Variants in ERCC6 observed in about 807,000 individuals in gnomAD.
The protein encoded by ERCC6 is ERCC excision repair 6, chromatin remodeling factor.
In ERCC6, 116 loss-of-function variants were observed where a neutral mutation model predicts 158.7. The observed-to-expected ratio is 0.73, with a 90% CI of 0.63 to 0.85. ERCC6 has a LOEUF of 0.85. Ranked by LOEUF, ERCC6 falls within the 40% of genes least tolerant of loss-of-function variation. ERCC6 has a pLI of 0.00. For missense variants in ERCC6, 1,698 were observed against 1,799.4 expected (o/e 0.94, Z 1.02); for synonymous variants, 678 against 659.3 (o/e 1.03, Z -0.43).
intron 1 of ERCC6, among the ~76,000 whole-genome samples, chr10:49,533,940 C>A (rs894717740): frequency 6.6e-6 from 1 of 151,888 alleles, no homozygotes; most frequent in Non-Finnish European, 1.5e-5. Context: ...TTGAGACCAG[C>A]CTGGCAAACA....
At chr10:49,462,213 TG>T (rs1850595745) in intron 18 of ERCC6, among the ~76,000 whole-genome samples, 1 of 152,150 alleles carries the variant, frequency 6.6e-6, no homozygotes, top group African/African-American at 2.4e-5. Flanking sequence ...AGAAATAGAT[TG>T]AACTGCATTT....
chr10:49,534,402 G>A (rs1837548677), intron 1 of ERCC6, among the ~76,000 whole-genome samples: 1 of 152,208 alleles, frequency 6.6e-6, no homozygotes, highest in Non-Finnish European at 1.5e-5. Flanking sequence ...ACACACAGGT[G>A]CAAGAATGTT....
chr10:49,500,874 C>G lies in ERCC6; in HGVS notation c.1527-178G>C, dbSNP rs1442814890. The G allele has an allele frequency of 9.0e-5, 59 of 658,212 alleles. 2 individuals carry two copies. The South Asian group carries it at 1.1e-3, about 12-fold the overall frequency. 40.8% of individuals were successfully genotyped at this position (658,212 alleles called of 1,614,324 possible). ...TTATAAGGTCATACATTTTTGATCA[C>G]CTAGGCATAAAAATCACAAATTTTT... On this transcript the variant is annotated intron_variant, in intron 6 of 20. Coordinates refer to ENST00000355832, the MANE Select transcript of ERCC6 (RefSeq NM_000124.4).
At chr10:49,472,042 C>T (rs1850790393) in intron 16 of ERCC6, among the ~76,000 whole-genome samples, 1 of 152,194 alleles carries the variant, frequency 6.6e-6, no homozygotes, top group Non-Finnish European at 1.5e-5. Context: ...TAACATTCAA[C>T]CTTGTCATTT....
At chr10:49,529,341 G>A (rs1837415831) in intron 3 of ERCC6, among the ~76,000 whole-genome samples, 1 of 152,186 alleles carries the variant, frequency 6.6e-6, no homozygotes, top group South Asian at 2.1e-4. Flanking sequence ...CTTTCCCTCT[G>A]AATAGTCTAC....
In ERCC6 at chr10:49,461,034, G is replaced by A. The variant is rs1404008712; in HGVS notation, c.3983+318C>T. Among the ~76,000 whole-genome samples, 5 of 152,196 alleles carry A rather than the reference G, an allele frequency of 3.3e-5. No homozygotes were observed. The East Asian group carries it at 9.6e-4, about 29-fold the overall frequency. ...TACTGAATAGCAAAGTAATTAATGT[G>A]TGCTGTAAACTGGCTAATTATCTCA... is the stretch of plus-strand genomic sequence containing the variant. On this transcript the variant is annotated intron_variant, in intron 19 of 20. Coordinates refer to ENST00000355832, the MANE Select transcript of ERCC6 (RefSeq NM_000124.4).
rs4253204 is a variant in ERCC6 at position 49,471,641 on chromosome 10, T to C, written c.2925-521A>G. Among the ~76,000 whole-genome samples, 48 of 152,258 alleles carry C rather than the reference T, an allele frequency of 3.2e-4. 1 individual carries two copies. The South Asian group carries it at 9.4e-3, about 30-fold the overall frequency. On this transcript the variant is annotated intron_variant, in intron 16 of 20. Transcript: ENST00000355832. ...CCACCAGCCACCCTGTCCCTCCCTG[T>C]CATTTATTCTCCCAGCTAAAGCATG...
In ERCC6 at chr10:49,483,374, T is replaced by C; in HGVS notation, c.1964A>G (p.Asn655Ser). 1 of 1,614,162 alleles carries C rather than the reference T, an allele frequency of 6.2e-7. No individual in the cohort carries two copies. Among genetic ancestry groups the C allele is most frequent in the Non-Finnish European group, 8.5e-7 (1 of 1,180,002 alleles). ...TTTGCAAGCAAGGGTGACAGCAGCA[T>C]TTGGATTTCGAATTTTGTGTCCTTC... ...LDEGHKIRNPNAAVTLACKQF... is the reference protein window; with the variant it reads ...LDEGHKIRNPSAAVTLACKQF... Residue 655 changes from asparagine to serine, a missense_variant, in exon 9 of 21, where the codon AAT (asparagine) becomes AGT (serine). Transcript: ENST00000355832.
intron 18 of ERCC6, among the ~76,000 whole-genome samples, chr10:49,469,382 A>C (rs1473934210): frequency 6.6e-6 from 1 of 152,228 alleles, no homozygotes; most frequent in African/African-American, 2.4e-5. Context: ...ACCAAAAAAA[A>C]AATGTATGCA....
chr10:49,441,343 T>C, the ERCC6 span, among the ~76,000 whole-genome samples: 4 of 152,238 alleles, frequency 2.6e-5, no homozygotes, highest in East Asian at 5.8e-4. Flanking sequence ...CGTCTTTCTA[T>C]GGAGGCCGAG....
At chr10:49,505,452 C>CA (rs1022218930) in intron 6 of ERCC6, 4 of 165,220 alleles carry the variant, frequency 2.4e-5, no homozygotes, top group African/African-American at 4.8e-5. Flanking sequence ...ATAAGACACT[C>CA]AAAAAAAATG....
chr10:49,470,920 T>C (rs979730293), intron 17 of ERCC6, 31 bp from the exon 18 acceptor site: 8 of 1,613,540 alleles, frequency 5.0e-6, no homozygotes, highest in Admixed American at 1.7e-5. Flanking sequence ...ACTAATACTA[T>C]ATTGTATCAT....
At chr10:49,454,165 A>G (rs140181811), downstream of ERCC6, among the ~76,000 whole-genome samples, 289 of 152,112 alleles carry the variant, frequency 1.9e-3, no homozygotes, top group African/African-American at 6.5e-3. Context: ...TTTGGAAAGC[A>G]TATCTCTCTT....
chr10:49,493,018 G>A (rs1417627045), intron 8 of ERCC6, 99 bp downstream of exon 8: 2 of 1,246,792 alleles, frequency 1.6e-6, no homozygotes. Context: ...AAAAAACACA[G>A]GAATATACAT....
At chr10:49,469,097 T>C (rs888585001) in intron 18 of ERCC6, among the ~76,000 whole-genome samples, 1 of 152,244 alleles carries the variant, frequency 6.6e-6, no homozygotes, top group African/African-American at 2.4e-5. Context: ...GCAACCATTG[T>C]AGTAATAACT....
At chr10:49,443,980 A>C in the ERCC6 span, among the ~76,000 whole-genome samples, 1 of 152,248 alleles carries the variant, frequency 6.6e-6, no homozygotes. Context: ...AAGGAAGGCC[A>C]CTGTGAATCA....
intron 1 of ERCC6, among the ~76,000 whole-genome samples, chr10:49,533,576 G>A (rs986391239): frequency 6.6e-6 from 1 of 152,010 alleles, no homozygotes; most frequent in Non-Finnish European, 1.5e-5. Context: ...ACCAGCCAGG[G>A]AAACACAGCG....
chr10:49,493,147 T>G lies in ERCC6; in HGVS notation c.1791A>C (p.Leu597=). Residue 597 remains leucine (L), a synonymous_variant, in exon 8 of 21, where the codon CTA becomes CTC. Transcript: ENST00000355832. ...TGTGGGTATAGGAACCGGTTTCATG[T>G]AGAATTGCCACTCTGAACGGAGGCC... ...TWWPPFRVAI[L]HETGSYTHKK... is the part of the protein sequence containing the mutation. 6.2e-7 allele frequency: 1 copy of G among 1,614,182 alleles called. No individual in the cohort carries two copies. Among genetic ancestry groups the G allele is most frequent in the South Asian group, 1.1e-5 (1 of 91,086 alleles).
intron 5 of ERCC6, chr10:49,515,053 A>T (rs1836905017): frequency 2.1e-6 from 1 of 479,350 alleles, no homozygotes; most frequent in Non-Finnish European, 3.1e-6. Flanking sequence ...ATTAGTCTTC[A>T]TTTGTGTCTC....
Sources: gnomAD v4.1 joint callset for allele counts (sites outside exome capture counted in the v4.1 genomes callset) on GRCh38, gnomAD v4.1.1 for gene constraint, MANE v1.5 for transcripts, NCBI Gene and HGNC (gene_info 2026-07-23, HGNC 2026-07-21) for gene names.